Variants in ZNF827 observed in about 807,000 individuals in gnomAD.
The protein encoded by ZNF827 is zinc finger protein 827.
Under a neutral mutation model 102.4 loss-of-function variants are expected in ZNF827, and 13 were observed. The observed-to-expected ratio is 0.13, with a 90% CI of 0.08 to 0.20. The LOEUF (loss-of-function observed/expected upper bound fraction) is 0.20. Among genes scored for constraint, ZNF827 ranks in the 10% least tolerant of loss-of-function variants. The pLI is 1.00. For synonymous variants in ZNF827, 523 were observed against 536.2 expected, an observed-to-expected ratio of 0.98 and a Z score of 0.34; for missense variants, 1,103 against 1,344.4, an observed-to-expected ratio of 0.82 and a Z score of 2.81.
At chr4:145,812,089 A>ATTT (rs751575131) in intron 8 of ZNF827, among the ~76,000 whole-genome samples, 3 of 132,812 alleles carry the variant, frequency 2.3e-5, no homozygotes, top group Admixed American at 7.5e-5. Context: ...TACTTTTTGC[A>ATTT]TTTTTTTTTT....
chr4:145,810,920 C>T (rs1431706580), intron 8 of ZNF827, among the ~76,000 whole-genome samples: 1 of 151,832 alleles, frequency 6.6e-6, no homozygotes, highest in African/African-American at 2.4e-5. Context: ...ATTCCTAGAA[C>T]GAGACATTGA....
chr4:145,905,157 A>G (rs1042535759), intron 1 of ZNF827, among the ~76,000 whole-genome samples: 19 of 152,178 alleles, frequency 1.2e-4, no homozygotes, highest in Admixed American at 1.2e-3. Context: ...GTATTTTATT[A>G]TCTACATATT....
At chr4:145,832,526 G>C (rs537165494) in intron 7 of ZNF827, 1 of 152,160 alleles carries the variant, frequency 6.6e-6, no homozygotes, top group Non-Finnish European at 1.5e-5. Flanking sequence ...CATGAAAACT[G>C]TTAGAACTGC....
intron 5 of ZNF827, among the ~76,000 whole-genome samples, chr4:145,860,254 G>A (rs1415456353): frequency 6.6e-6 from 1 of 152,108 alleles, no homozygotes; most frequent in Non-Finnish European, 1.5e-5. Context: ...TCTGTTGAGG[G>A]CCTCTTTTCC....
At chr4:145,881,347 G>A (rs556587954) in intron 4 of ZNF827, among the ~76,000 whole-genome samples, 3 of 152,298 alleles carry the variant, frequency 2.0e-5, no homozygotes, top group South Asian at 2.1e-4. Context: ...TCAATTTTAC[G>A]AAATTAATAT....
intron 8 of ZNF827, among the ~76,000 whole-genome samples, chr4:145,795,132 T>C (rs1392336863): frequency 6.6e-6 from 1 of 152,120 alleles, no homozygotes; most frequent in Non-Finnish European, 1.5e-5. Flanking sequence ...CAAGATGTTA[T>C]GTGTTTTTTT....
chr4:145,796,267 T>A (rs1438713423), intron 8 of ZNF827, among the ~76,000 whole-genome samples: 1 of 152,244 alleles, frequency 6.6e-6, no homozygotes, highest in Non-Finnish European at 1.5e-5. Context: ...AGAATAATTG[T>A]TCCTAAAACA....
intron 1 of ZNF827, among the ~76,000 whole-genome samples, chr4:145,936,189 C>G (rs927352866): frequency 1.3e-5 from 2 of 151,946 alleles, no homozygotes; most frequent in Non-Finnish European, 2.9e-5. Flanking sequence ...CACACGCCCC[C>G]GACAAGAGCC....
At chr4:145,819,747 G>T (rs1290679815) in intron 8 of ZNF827, 2 of 152,206 alleles carry the variant, frequency 1.3e-5, no homozygotes, top group East Asian at 3.8e-4. Context: ...CCCTCCCGCA[G>T]AAGGTGACAG....
At chr4:145,900,455 G>A (rs969969482) in intron 2 of ZNF827, among the ~76,000 whole-genome samples, 2 of 151,554 alleles carry the variant, frequency 1.3e-5, no homozygotes, top group African/African-American at 4.9e-5. Flanking sequence ...TCTCATCCAG[G>A]CTGGACTGCA....
chr4:145,866,000 C>T (rs1484254812), intron 5 of ZNF827, among the ~76,000 whole-genome samples: 1 of 152,188 alleles, frequency 6.6e-6, no homozygotes, highest in African/African-American at 2.4e-5. Flanking sequence ...CCCTTTCCAT[C>T]ATGTGGACTG....
chr4:145,865,245 A>C (rs368936026), intron 5 of ZNF827, among the ~76,000 whole-genome samples: 132 of 152,356 alleles, frequency 8.7e-4, no homozygotes, highest in Middle Eastern at 3.4e-3. Flanking sequence ...TTCTAAAAAA[A>C]GGTTCCCAGA....
At chr4:145,893,557 G>A (rs1750765816) in intron 2 of ZNF827, among the ~76,000 whole-genome samples, 1 of 152,050 alleles carries the variant, frequency 6.6e-6, no homozygotes, top group Admixed American at 6.6e-5. Flanking sequence ...TTCTATTTTT[G>A]TTTTCTAAAA....
chr4:145,841,686 A>G (rs1181505799), intron 7 of ZNF827, among the ~76,000 whole-genome samples: 2 of 152,202 alleles, frequency 1.3e-5, no homozygotes, highest in Non-Finnish European at 2.9e-5. Flanking sequence ...ATTTACGGTG[A>G]AGTTGCATCT....
At chr4:145,931,833 T>C (rs532796664) in intron 1 of ZNF827, among the ~76,000 whole-genome samples, 5 of 152,194 alleles carry the variant, frequency 3.3e-5, no homozygotes, top group Non-Finnish European at 5.9e-5. Flanking sequence ...TGACCAGCCA[T>C]AGAAACAGGT....
intron 5 of ZNF827, among the ~76,000 whole-genome samples, chr4:145,868,545 A>C (rs1448105685): frequency 6.6e-6 from 1 of 152,228 alleles, no homozygotes; most frequent in Non-Finnish European, 1.5e-5. Flanking sequence ...GTCCACAAAT[A>C]TCTTTCACTG....
intron 1 of ZNF827, among the ~76,000 whole-genome samples, chr4:145,925,207 A>G (rs1027398953): frequency 4.6e-5 from 7 of 152,222 alleles, no homozygotes; most frequent in Non-Finnish European, 7.3e-5. Flanking sequence ...GATCCCTGCC[A>G]TGACATGTGG....
intron 5 of ZNF827, among the ~76,000 whole-genome samples, chr4:145,857,764 A>G (rs933690991): frequency 6.6e-6 from 1 of 152,146 alleles, no homozygotes; most frequent in African/African-American, 2.4e-5. Flanking sequence ...TCCTGGTGTT[A>G]AATGTAAAAC....
Position 145,892,387 on chromosome 4 carries a change from G to C in ZNF827, c.1122C>G (p.Phe374Leu). ...TAACCAAACCACATATTGGACACTG[G>C]AAAGGCTTTCCACTTTCCTCTTCTG... ...SASEEESGKP[F>L]QCPICGLVIK... is the part of the protein sequence containing the mutation. Residue 374 changes from phenylalanine to leucine, a missense_variant, in exon 3 of 15, where the codon TTC becomes TTG. Around this residue, in one of 5 missense-constraint regions of ZNF827, gnomAD observed 441 missense variants for 458.6 expected, o/e 0.96. Coordinates refer to ENST00000508784, the MANE Select transcript of ZNF827 (RefSeq NM_001306215.2). The C allele has an allele frequency of 6.2e-7, 1 of 1,614,010 alleles. No homozygotes were observed.
Sources: allele counts gnomAD v4.1 joint callset (sites outside exome capture counted in the v4.1 genomes callset), GRCh38; gene constraint gnomAD v4.1.1; regional missense constraint gnomAD v4.1.1; transcripts MANE v1.5; gene names NCBI Gene and HGNC (gene_info 2026-07-23, HGNC 2026-07-21).